The following RBMS3 variants were observed in gnomAD, a reference collection of about 807,000 sequenced individuals.
RBMS3 encodes RNA binding motif single stranded interacting protein 3.
Under a neutral mutation model 66.8 loss-of-function variants are expected in RBMS3, and 27 were observed. That is an observed-to-expected ratio of 0.40 (90% CI 0.30 to 0.56). The LOEUF is 0.56. Ranked by LOEUF, RBMS3 falls within the 20% of genes least tolerant of loss-of-function variation. The pLI, the probability that RBMS3 is intolerant of heterozygous loss-of-function variation, is 0.40. For missense variants in RBMS3, 513 were observed against 549.5 expected (o/e 0.93, Z 0.66); for synonymous variants, 188 against 183.0 (o/e 1.03, Z -0.22).
intron 3 of RBMS3, among the ~76,000 whole-genome samples, chr3:29,511,776 T>C (rs2044423754): frequency 6.6e-6 from 1 of 152,128 alleles, no homozygotes; most frequent in South Asian, 2.1e-4. Flanking sequence ...TTTCACATTA[T>C]GACTTTAAAG....
Position 29,863,223 on chromosome 3 carries a change from G to T in RBMS3, c.638-5635G>T, listed in dbSNP as rs116777115. Among the ~76,000 whole-genome samples the T allele has an allele frequency of 6.0e-5, 9 of 150,858 alleles. No homozygotes were observed. In the South Asian group the frequency reaches 6.3e-4, roughly 11 times the overall value. ...CAAACACCGGAGCCTGTTGTGGGGT[G>T]GGGGGAGAGGGGGAGGGATAGCATT... On this transcript the variant is annotated intron_variant, in intron 6 of 14. Coordinates refer to ENST00000383767, the MANE Select transcript of RBMS3 (RefSeq NM_001003793.3).
At chr3:29,410,478 T>C (rs79920441) in intron 1 of RBMS3, among the ~76,000 whole-genome samples, 2,164 of 152,276 alleles carry the variant, frequency 0.014, 61 homozygotes, top group African/African-American at 0.047. Flanking sequence ...TCCGTGACAC[T>C]TTCCCTCCTA....
chr3:29,648,263 ATTTTT>A (rs749839563), intron 4 of RBMS3, among the ~76,000 whole-genome samples: 22 of 77,644 alleles, frequency 2.8e-4, no homozygotes, highest in African/African-American at 1.0e-3. Flanking sequence ...GAAAATGTCT[ATTTTT>A]TTTTTTTTTT....
chr3:29,867,673 T>C (rs1265533405), intron 6 of RBMS3, among the ~76,000 whole-genome samples: 1 of 151,360 alleles, frequency 6.6e-6, no homozygotes, highest in Admixed American at 6.6e-5. Context: ...TCTCATTTGC[T>C]AACATCCCAT....
At chr3:29,885,446 T>A (rs945988137) in intron 8 of RBMS3, among the ~76,000 whole-genome samples, 2 of 151,844 alleles carry the variant, frequency 1.3e-5, no homozygotes, top group Non-Finnish European at 2.9e-5. Context: ...TAGTTGGAGA[T>A]AAATAATTAA....
chr3:29,484,615 T>A (rs2043255233), intron 2 of RBMS3, among the ~76,000 whole-genome samples: 2 of 152,202 alleles, frequency 1.3e-5, no homozygotes, highest in Non-Finnish European at 2.9e-5. Context: ...TATGCATGAC[T>A]TTGATGACCC....
chr3:29,441,590 C>T (rs1246919418), intron 2 of RBMS3, among the ~76,000 whole-genome samples: 2 of 152,134 alleles, frequency 1.3e-5, no homozygotes, highest in Non-Finnish European at 2.9e-5. Context: ...TATTCGTAAT[C>T]ACTGAAACAT....
intron 6 of RBMS3, among the ~76,000 whole-genome samples, chr3:29,775,438 A>G (rs1162138405): frequency 4.6e-5 from 7 of 151,968 alleles, no homozygotes; most frequent in African/African-American, 1.7e-4. Flanking sequence ...AAGACAATGT[A>G]TTTAAGCAGC....
intron 6 of RBMS3, among the ~76,000 whole-genome samples, chr3:29,824,161 C>A (rs896120743): frequency 5.3e-5 from 8 of 150,032 alleles, no homozygotes; most frequent in African/African-American, 2.0e-4. Flanking sequence ...TCCTAACCTC[C>A]AAGGTAATGG....
At chr3:29,489,061 CT>C (rs1228139399) in intron 3 of RBMS3, among the ~76,000 whole-genome samples, 31 of 152,150 alleles carry the variant, frequency 2.0e-4, no homozygotes, top group Non-Finnish European at 2.1e-4. Context: ...TTCTTCATGT[CT>C]GGGAGTCCTA....
chr3:29,421,459 A>G (rs2040732796), intron 1 of RBMS3, among the ~76,000 whole-genome samples: 1 of 152,194 alleles, frequency 6.6e-6, no homozygotes, highest in Non-Finnish European at 1.5e-5. Context: ...AAATTAGTAT[A>G]GTTTATTTCT....
At position 29,337,108 on chromosome 3, in the gene RBMS3, C is replaced by A. The variant is rs6798249; in HGVS notation, c.75+55352C>A. On this transcript the variant is annotated intron_variant, in intron 1 of 14. Coordinates refer to ENST00000383767, the MANE Select transcript of RBMS3 (RefSeq NM_001003793.3). ...TATTCTTAACCCCCACAGCTTATCC[C>A]TTTTGTTATTTTTTAAAGATGATTT... Among the ~76,000 whole-genome samples, 911 of 152,068 alleles carry A rather than the reference C, an allele frequency of 6.0e-3. 15 individuals carry two copies. The highest frequency in any genetic ancestry group is 0.02 in the African/African-American group (811 of 41,490).
chr3:29,599,616 T>C (rs1258828822), intron 4 of RBMS3, among the ~76,000 whole-genome samples: 1 of 151,986 alleles, frequency 6.6e-6, no homozygotes, highest in African/African-American at 2.4e-5. Flanking sequence ...AAGACACACG[T>C]CCACAGGTGT....
chr3:29,777,595 A>G (rs2056471840), intron 6 of RBMS3, among the ~76,000 whole-genome samples: 1 of 151,908 alleles, frequency 6.6e-6, no homozygotes, highest in African/African-American at 2.4e-5. Context: ...ATGGAAGACA[A>G]TGTTTAAAAG....
chr3:29,800,479 A>G (rs1168963097), intron 6 of RBMS3, among the ~76,000 whole-genome samples: 1 of 152,350 alleles, frequency 6.6e-6, no homozygotes, highest in South Asian at 2.1e-4. Flanking sequence ...AATTTATGAG[A>G]TATTTTCTAC....
At chr3:29,392,878 T>C (rs181252255) in intron 1 of RBMS3, among the ~76,000 whole-genome samples, 12 of 151,554 alleles carry the variant, frequency 7.9e-5, no homozygotes, top group Admixed American at 7.9e-4. Flanking sequence ...CTTTGCCACA[T>C]TATAAGATGG....
At chr3:29,882,015 C>G (rs1335283321) in intron 7 of RBMS3, among the ~76,000 whole-genome samples, 2 of 152,128 alleles carry the variant, frequency 1.3e-5, no homozygotes, top group Admixed American at 1.3e-4. Flanking sequence ...CTAATAATAT[C>G]TCGATTGAAT....
chr3:29,593,096 A>G (rs865862231), intron 4 of RBMS3, among the ~76,000 whole-genome samples: 20 of 152,072 alleles, frequency 1.3e-4, no homozygotes, highest in African/African-American at 4.8e-4. Flanking sequence ...ACACACGAAC[A>G]TGGCACATGT....
intron 4 of RBMS3, among the ~76,000 whole-genome samples, chr3:29,621,304 T>C (rs2048857059): frequency 6.6e-6 from 1 of 152,002 alleles, no homozygotes; most frequent in Non-Finnish European, 1.5e-5. Context: ...TCTGAAAACA[T>C]TGTAAAGGCT....
Sources: allele counts gnomAD v4.1 joint callset (sites outside exome capture counted in the v4.1 genomes callset), GRCh38; gene constraint gnomAD v4.1.1; transcripts MANE v1.5; gene names NCBI Gene and HGNC (gene_info 2026-07-23, HGNC 2026-07-21).